The following CCDC102B variants were observed in gnomAD, a reference collection of about 807,000 sequenced individuals.
The protein encoded by CCDC102B is coiled-coil domain-containing protein 102B.
A neutral mutation model predicts 57.4 loss-of-function variants in CCDC102B; 75 were observed. That is an observed-to-expected ratio of 1.31 (90% CI 1.08 to 1.58). The LOEUF is 1.58. Among genes scored for constraint, CCDC102B ranks in the 40% most tolerant of loss-of-function variants. CCDC102B has a pLI of 0.00. For synonymous variants in CCDC102B, 206 were observed against 201.9 expected (o/e 1.02, Z -0.17); for missense variants, 636 against 582.6 (o/e 1.09, Z -0.94).
chr18:68,727,130 A>C (rs950833066), intron 2 of CCDC102B, among the ~76,000 whole-genome samples: 1 of 152,222 alleles, frequency 6.6e-6, no homozygotes, highest in African/African-American at 2.4e-5. Context: ...GCTTGAACAA[A>C]ACAACAAGCC....
chr18:68,806,067 T>A (rs1014967558), intron 1 of CCDC102B, among the ~76,000 whole-genome samples: 2 of 152,122 alleles, frequency 1.3e-5, no homozygotes, highest in Non-Finnish European at 2.9e-5. Flanking sequence ...AATTTTTTTA[T>A]GTGTTTATCA....
At chr18:68,856,833 A>G (rs570480685) in intron 4 of CCDC102B, among the ~76,000 whole-genome samples, 1 of 150,930 alleles carries the variant, frequency 6.6e-6, no homozygotes, top group Non-Finnish European at 1.5e-5. Context: ...TGATTGAAAT[A>G]TTATGGATGA....
chr18:68,756,880 G>GGTGTGT (rs34070734), intron 2 of CCDC102B, among the ~76,000 whole-genome samples: 4 of 150,252 alleles, frequency 2.7e-5, no homozygotes, highest in South Asian at 4.2e-4. Context: ...TGCTATATCT[G>GGTGTGT]GTGTGTGTGT....
rs771583661 is a variant in CCDC102B at position 68,846,372 on chromosome 18, A to G, written c.887A>G (p.Lys296Arg). 1.3e-6 allele frequency: 2 copies of G among 1,591,698 alleles called. No individual in the cohort carries two copies. Among genetic ancestry groups the G allele is most frequent in the East Asian group, 4.7e-5 (2 of 42,364 alleles). ...ERLESALSLW[K>R]WKYEELKESK... The stretch of plus-strand genomic sequence containing the variant: ...CTGGAGTCGGCTTTGTCTCTGTGGA[A>G]GTGGAAGTATGAAGAACTGAAAGAA... The change falls in exon 4 of 8, where the codon AAG becomes AGG. Residue 296 changes from lysine (K) to arginine (R), a missense_variant. Physicochemically the swap from Lys to Arg is conservative, Grantham distance 26. Coordinates refer to ENST00000360242, the MANE Select transcript of CCDC102B (RefSeq NM_024781.3).
upstream of CCDC102B, among the ~76,000 whole-genome samples, chr18:68,793,181 C>T (rs548677467): frequency 1.3e-5 from 2 of 152,272 alleles, no homozygotes; most frequent in Non-Finnish European, 2.9e-5. Flanking sequence ...ACATTTCAAT[C>T]AAAACCAAAA....
At chr18:68,854,570 A>C (rs1442521383) in intron 4 of CCDC102B, among the ~76,000 whole-genome samples, 2 of 152,216 alleles carry the variant, frequency 1.3e-5, no homozygotes, top group Non-Finnish European at 2.9e-5. Context: ...TAAAAACCAA[A>C]ACTTCAATTT....
intron 6 of CCDC102B, among the ~76,000 whole-genome samples, chr18:68,938,593 C>A (rs2049302861): frequency 6.6e-6 from 1 of 151,654 alleles, no homozygotes; most frequent in African/African-American, 2.4e-5. Context: ...TTTTAGTATT[C>A]ATCAATATGA....
At chr18:69,008,680 C>A (rs2051418327) in intron 6 of CCDC102B, among the ~76,000 whole-genome samples, 1 of 152,176 alleles carries the variant, frequency 6.6e-6, no homozygotes, top group South Asian at 2.1e-4. Flanking sequence ...AGCATTTTCT[C>A]TGCCAGGTCC....
intron 1 of CCDC102B, among the ~76,000 whole-genome samples, chr18:68,822,853 C>T (rs2036748354): frequency 1.5e-5 from 2 of 131,130 alleles, no homozygotes; most frequent in African/African-American, 6.1e-5. Flanking sequence ...ATATGTGAGG[C>T]AGGAGAATAG....
At chr18:68,758,839 C>G (rs2034146214) in intron 2 of CCDC102B, among the ~76,000 whole-genome samples, 1 of 151,056 alleles carries the variant, frequency 6.6e-6, no homozygotes, top group African/African-American at 2.4e-5. Context: ...TATGCCAAAT[C>G]CTTCCCCATC....
At chr18:68,753,070 C>T (rs899081004) in intron 2 of CCDC102B, 5 of 151,938 alleles carry the variant, frequency 3.3e-5, no homozygotes, top group African/African-American at 1.2e-4. Flanking sequence ...TTATTCAACT[C>T]TGATTTCTAA....
chr18:68,924,474 C>A (rs962788464), intron 6 of CCDC102B, among the ~76,000 whole-genome samples: 1 of 152,080 alleles, frequency 6.6e-6, no homozygotes. Context: ...GAGGTCTCCC[C>A]AGCTATGCTG....
At chr18:68,739,015 A>C (rs2033270376) in intron 2 of CCDC102B, among the ~76,000 whole-genome samples, 1 of 111,370 alleles carries the variant, frequency 9.0e-6, no homozygotes, top group South Asian at 2.8e-4. Context: ...TTTTTTTTAG[A>C]CCAGGTCTTG....
intron 5 of CCDC102B, among the ~76,000 whole-genome samples, chr18:68,896,001 C>G (rs2040229114): frequency 6.6e-6 from 1 of 151,906 alleles, no homozygotes; most frequent in Non-Finnish European, 1.5e-5. Flanking sequence ...AAAGTGCTTT[C>G]TAATTACTTT....
chr18:68,743,236 TAAA>T (rs2033471773), intron 2 of CCDC102B, among the ~76,000 whole-genome samples: 1 of 147,394 alleles, frequency 6.8e-6, no homozygotes, highest in Non-Finnish European at 1.5e-5. Flanking sequence ...AATAAATAAA[TAAA>T]TAAATAAATA....
intron 6 of CCDC102B, among the ~76,000 whole-genome samples, chr18:68,905,589 TGTCTAGC>T (rs1568322404): frequency 7.8e-4 from 2 of 2,564 alleles, no homozygotes; most frequent in Non-Finnish European, 1.8e-3. Context: ...GGGACCGCCC[TGTCTAGC>T]CCTGTCTATT....
intron 6 of CCDC102B, among the ~76,000 whole-genome samples, chr18:68,956,407 TTA>T (rs1252385217): frequency 6.6e-5 from 2 of 30,096 alleles, no homozygotes; most frequent in African/African-American, 2.3e-4. Context: ...TAAATATATT[TTA>T]TATATATTAT....
rs183923496 is a variant in CCDC102B, at chr18:68,762,339, A to G, written c.-67+45745A>G. On this transcript the variant is annotated intron_variant, in intron 2 of 3. Transcript: ENST00000578970. ...GGATTAAATAATTTATTATAACTAA[A>G]TTTTGAAATATTCCTTGACACTTTT... is the stretch of plus-strand genomic sequence containing the variant. Among the ~76,000 whole-genome samples the G allele has an allele frequency of 2.8e-3, 433 of 152,186 alleles. 1 individual carries two copies. Among genetic ancestry groups the G allele is most frequent in the African/African-American group, 1.0e-2 (415 of 41,542 alleles).
At chr18:69,035,503 T>A (rs2052265640) in intron 7 of CCDC102B, among the ~76,000 whole-genome samples, 1 of 152,038 alleles carries the variant, frequency 6.6e-6, no homozygotes, top group African/African-American at 2.4e-5. Flanking sequence ...AGTTTCCATA[T>A]AGGCAGTAAA....
Sources: gnomAD v4.1 joint callset for allele counts (sites outside exome capture counted in the v4.1 genomes callset) on GRCh38, gnomAD v4.1.1 for gene constraint, MANE v1.5 for transcripts, NCBI Gene and HGNC (gene_info 2026-07-23, HGNC 2026-07-21) for gene names.